The following DPP6 variants were observed in gnomAD, a reference collection of about 807,000 sequenced individuals.
DPP6 encodes the protein A-type potassium channel modulatory protein DPP6.
DPP6 carries 69 observed loss-of-function variants against 122.6 expected under a neutral mutation model. The ratio of observed to expected loss-of-function variants is 0.56; its 90% CI spans 0.46 to 0.69. The LOEUF is 0.69. Ranked by LOEUF, DPP6 falls within the 30% of genes least tolerant of loss-of-function variation. The probability of loss-of-function intolerance (pLI) is 0.00; values close to 1 mark genes in which losing one functional copy is unlikely to be tolerated. For synonymous variants in DPP6, 418 were observed against 433.1 expected, an observed-to-expected ratio of 0.97 and a Z score of 0.43; for missense variants, 928 against 1,116.9, an observed-to-expected ratio of 0.83 and a Z score of 2.41.
At chr7:154,404,305 C>A (rs555280784) in intron 1 of DPP6, among the ~76,000 whole-genome samples, 12 of 152,272 alleles carry the variant, frequency 7.9e-5, no homozygotes, top group African/African-American at 2.9e-4. Context: ...GAATAATGAT[C>A]AGAAGCTACG....
chr7:153,981,688 C>A (rs1214840466), intron 1 of DPP6, among the ~76,000 whole-genome samples: 2 of 152,094 alleles, frequency 1.3e-5, no homozygotes. Flanking sequence ...TACTAGTTTT[C>A]CCTTTCCATA....
chr7:154,687,554 T>A (rs1466887528), intron 7 of DPP6, among the ~76,000 whole-genome samples: 1 of 152,236 alleles, frequency 6.6e-6, no homozygotes, highest in Non-Finnish European at 1.5e-5. Context: ...TGTTTGCCCC[T>A]TTCTTATTGA....
chr7:154,816,421 A>G (rs1799428379), intron 16 of DPP6, among the ~76,000 whole-genome samples: 1 of 152,198 alleles, frequency 6.6e-6, no homozygotes, highest in African/African-American at 2.4e-5. Context: ...CAGAAAAAAC[A>G]TTATATATAT....
intron 1 of DPP6, among the ~76,000 whole-genome samples, chr7:153,914,234 G>A (rs536175759): frequency 6.6e-6 from 1 of 152,294 alleles, no homozygotes; most frequent in African/African-American, 2.4e-5. Flanking sequence ...CATGGAAGAC[G>A]TGCCTTTTGC....
At chr7:153,844,223 A>T in the DPP6 span, among the ~76,000 whole-genome samples, 1 of 152,218 alleles carries the variant, frequency 6.6e-6, no homozygotes, top group Non-Finnish European at 1.5e-5. Context: ...AATCAGGAGC[A>T]TTTCATCTTT....
chr7:153,969,795 C>G (rs1795940426), intron 1 of DPP6, among the ~76,000 whole-genome samples: 1 of 151,008 alleles, frequency 6.6e-6, no homozygotes, highest in East Asian at 1.9e-4. Flanking sequence ...AAAACAATTT[C>G]ATCCTTAAAA....
intron 1 of DPP6, among the ~76,000 whole-genome samples, chr7:154,176,060 G>A (rs1209024706): frequency 6.6e-6 from 1 of 152,094 alleles, no homozygotes; most frequent in African/African-American, 2.4e-5. Context: ...CAGCTGAAGT[G>A]GATACATATT....
intron 10 of DPP6, among the ~76,000 whole-genome samples, chr7:154,788,855 A>G (rs115147699): frequency 0.028 from 4,333 of 152,050 alleles, 97 homozygotes; most frequent in African/African-American, 0.062. Flanking sequence ...TTACACCTCC[A>G]TGTCACCTTC....
intron 7 of DPP6, among the ~76,000 whole-genome samples, chr7:154,726,889 C>T (rs971042231): frequency 6.6e-6 from 1 of 152,212 alleles, no homozygotes; most frequent in Admixed American, 6.5e-5. Context: ...TTCCTTATCT[C>T]CATCTGAGAC....
chr7:154,678,608 C>T (rs1391396176), intron 7 of DPP6, among the ~76,000 whole-genome samples: 3 of 152,216 alleles, frequency 2.0e-5, no homozygotes, highest in Admixed American at 6.5e-5. Flanking sequence ...CGAGGGTCTG[C>T]GGCTTCATTC....
chr7:154,868,338 A>G (rs1266335767), intron 18 of DPP6, among the ~76,000 whole-genome samples: 3 of 152,192 alleles, frequency 2.0e-5, no homozygotes, highest in Admixed American at 6.5e-5. Context: ...AGTTGCTTCA[A>G]AGCAAGACCA....
At chr7:154,472,753 G>C (rs969315419) in intron 2 of DPP6, among the ~76,000 whole-genome samples, 2 of 152,222 alleles carry the variant, frequency 1.3e-5, no homozygotes, top group African/African-American at 4.8e-5. Context: ...AGAGAGGCCA[G>C]CAGTGAGTTT....
intron 2 of DPP6, among the ~76,000 whole-genome samples, chr7:154,447,948 C>G (rs1820027886): frequency 6.6e-6 from 1 of 152,082 alleles, no homozygotes. Flanking sequence ...TGTGAAAAAC[C>G]CAATAGCTAG....
At chr7:154,488,674 AAGAC>A (rs1259426502) in intron 3 of DPP6, among the ~76,000 whole-genome samples, 1 of 152,004 alleles carries the variant, frequency 6.6e-6, no homozygotes, top group Non-Finnish European at 1.5e-5. Flanking sequence ...CATCCCGTGA[AAGAC>A]AGGCGAGGCC....
At chr7:154,860,495 G>A (rs1218312202) in intron 17 of DPP6, among the ~76,000 whole-genome samples, 12 of 152,324 alleles carry the variant, frequency 7.9e-5, no homozygotes, top group African/African-American at 2.4e-4. Context: ...ATGAGAGTCT[G>A]GACCAGCAGG....
chr7:154,327,952 T>G (rs774679997), intron 1 of DPP6, among the ~76,000 whole-genome samples: 1 of 152,246 alleles, frequency 6.6e-6, no homozygotes, highest in Non-Finnish European at 1.5e-5. Flanking sequence ...TATGCATTAC[T>G]ATGAGTAATT....
In DPP6 at chr7:154,637,934, CATGGACGAG is replaced by C. The variant is rs1444324098; in HGVS notation, c.680+62_680+70del. On this transcript the variant is annotated intron_variant, in intron 6 of 25. Transcript: ENST00000377770. ...ATGCAGGGCAAAGTGAAGGGTAGAA[CATGGACGAG>C]CTGTTTAACCCTTAGGGCGGGAAAT... The C allele has an allele frequency of 8.5e-6, 13 of 1,524,596 alleles. No individual in the cohort carries two copies. In the African/African-American group the frequency reaches 1.5e-4, roughly 18 times the overall value. 94.4% of individuals were successfully genotyped at this position (1,524,596 alleles called of 1,614,324 possible). A position where few individuals can be genotyped will look rare whatever the true frequency, so the allele number is the denominator to read the frequency against.
At chr7:154,380,823 G>A (rs185617324) in intron 1 of DPP6, among the ~76,000 whole-genome samples, 132 of 152,282 alleles carry the variant, frequency 8.7e-4, no homozygotes, top group Non-Finnish European at 1.7e-3. Flanking sequence ...CATCTCCTTG[G>A]TTCATCCCTG....
chr7:153,764,149 C>T, the DPP6 span, among the ~76,000 whole-genome samples: 2 of 152,116 alleles, frequency 1.3e-5, no homozygotes, highest in African/African-American at 2.4e-5. Flanking sequence ...TTAAAATGCC[C>T]GGCCTAGTCT....
Sources: allele counts gnomAD v4.1 joint callset (sites outside exome capture counted in the v4.1 genomes callset), GRCh38; gene constraint gnomAD v4.1.1; transcripts MANE v1.5; gene names NCBI Gene and HGNC (gene_info 2026-07-23, HGNC 2026-07-21).